The following ULK4 variants were observed in gnomAD, a reference collection of about 807,000 sequenced individuals.
ULK4 encodes the protein inactive serine/threonine-protein kinase ULK4.
ULK4 carries 133 observed loss-of-function variants against 160.6 expected under a neutral mutation model. The ratio of observed to expected loss-of-function variants is 0.83; its 90% confidence interval spans 0.72 to 0.96. The LOEUF (loss-of-function observed/expected upper bound fraction) is 0.96. Ranked by LOEUF, ULK4 falls within the 40% of genes least tolerant of loss-of-function variation. ULK4 has a pLI of 0.00. For missense variants in ULK4, 1,580 were observed against 1,499.5 expected, an observed-to-expected ratio of 1.05 and a Z score of -0.89; for synonymous variants, 534 against 539.8, an observed-to-expected ratio of 0.99 and a Z score of 0.15.
chr3:41,348,503 G>A (rs1575455604), intron 35 of ULK4, among the ~76,000 whole-genome samples: 2 of 152,156 alleles, frequency 1.3e-5, no homozygotes, highest in East Asian at 3.8e-4. Flanking sequence ...AGGAGGGATG[G>A]GGGCCAGAGA....
At chr3:41,681,915 A>G in intron 27 of ULK4, 111 bp from the exon 28 acceptor site, 2 of 1,093,750 alleles carry the variant, frequency 1.8e-6, no homozygotes, top group Non-Finnish European at 2.7e-6. Flanking sequence ...AGTGAAAAAA[A>G]GCAACGGCTA....
intron 31 of ULK4, among the ~76,000 whole-genome samples, chr3:41,605,941 AT>A (rs1270902260): frequency 6.6e-6 from 1 of 152,070 alleles, no homozygotes; most frequent in African/African-American, 2.4e-5. Flanking sequence ...TCAATAAAAA[AT>A]ATATCTGACA....
chr3:41,895,665 C>T, intron 15 of ULK4, 101 bp from the exon 16 acceptor site: 1 of 603,648 alleles, frequency 1.7e-6, no homozygotes, highest in Non-Finnish European at 2.6e-6. Context: ...GGACTTTATA[C>T]AAAGGAAATT....
At chr3:41,817,151 C>G (rs547647089) in intron 19 of ULK4, among the ~76,000 whole-genome samples, 2 of 152,220 alleles carry the variant, frequency 1.3e-5, no homozygotes, top group East Asian at 3.9e-4. Context: ...TCCAAATGAA[C>G]TATAGTTTAC....
At chr3:41,677,647 T>C (rs1449348614) in intron 29 of ULK4, among the ~76,000 whole-genome samples, 1 of 152,170 alleles carries the variant, frequency 6.6e-6, no homozygotes, top group Non-Finnish European at 1.5e-5. Flanking sequence ...GTTCATTGTT[T>C]AGCAAGTAAA....
intron 35 of ULK4, among the ~76,000 whole-genome samples, chr3:41,370,151 TAG>T (rs1489623477): frequency 1.3e-5 from 2 of 151,960 alleles, no homozygotes; most frequent in African/African-American, 4.8e-5. Context: ...AAGATCCATG[TAG>T]AGTTTATAAA....
intron 32 of ULK4, among the ~76,000 whole-genome samples, chr3:41,491,855 A>G (rs922868601): frequency 6.6e-6 from 1 of 151,670 alleles, no homozygotes; most frequent in Non-Finnish European, 1.5e-5. Flanking sequence ...AGCATTAGGT[A>G]TACCTTCTAA....
intron 21 of ULK4, among the ~76,000 whole-genome samples, chr3:41,775,821 G>A (rs2125926967): frequency 6.6e-6 from 1 of 150,868 alleles, no homozygotes; most frequent in Non-Finnish European, 1.5e-5. Context: ...TTTTCTTTAT[G>A]AGATTTATCC....
At chr3:41,623,780 T>G (rs1226163715) in intron 30 of ULK4, among the ~76,000 whole-genome samples, 1 of 152,142 alleles carries the variant, frequency 6.6e-6, no homozygotes, top group Non-Finnish European at 1.5e-5. Flanking sequence ...TAGTTAATAA[T>G]AATGTAGTAT....
At chr3:41,605,205 AG>A (rs1380099476) in intron 31 of ULK4, among the ~76,000 whole-genome samples, 2 of 152,060 alleles carry the variant, frequency 1.3e-5, no homozygotes, top group African/African-American at 4.8e-5. Flanking sequence ...AAAGACATAA[AG>A]AAAAACAACA....
At position 41,681,591 on chromosome 3, in the gene ULK4, CT is replaced by C; in HGVS notation, c.2894del (p.Gln965ArgfsTer35). 1 of 1,613,976 alleles carries C rather than the reference CT, an allele frequency of 6.2e-7. No homozygotes were observed. The highest frequency in any genetic ancestry group is 8.5e-7 in the Non-Finnish European group (1 of 1,179,976). On this transcript the variant is annotated frameshift_variant, in exon 29 of 37. Coordinates refer to ENST00000301831, the MANE Select transcript of ULK4 (RefSeq NM_017886.4). LOFTEE classifies it high-confidence loss of function. ...LSETTSLLVN[Q>X]EFGDGKEKAS... The stretch of plus-strand genomic sequence containing the variant: ...CCTTCTCCTTGCCATCCCCAAACTC[CT>C]GGTTCACGAGTAGAGATGTGGTTTC...
At chr3:41,534,935 G>T (rs561952234) in intron 32 of ULK4, among the ~76,000 whole-genome samples, 1 of 152,106 alleles carries the variant, frequency 6.6e-6, no homozygotes, top group Non-Finnish European at 1.5e-5. Flanking sequence ...CAATATATGA[G>T]AAAAACCATA....
chr3:41,357,350 GTCCAAGTCAGCAGCCTCGA>G (rs913968147), intron 35 of ULK4, among the ~76,000 whole-genome samples: 1 of 152,208 alleles, frequency 6.6e-6, no homozygotes, highest in Admixed American at 6.5e-5. Context: ...ATAAGTGACA[GTCCAAGTCAGCAGCCTCGA>G]TCCAACTGTG....
At chr3:41,728,033 C>A (rs889871919) in intron 22 of ULK4, among the ~76,000 whole-genome samples, 2 of 152,134 alleles carry the variant, frequency 1.3e-5, no homozygotes, top group African/African-American at 2.4e-5. Context: ...GTAAAGACTG[C>A]CAGAATAGCA....
At chr3:41,343,795 G>A (rs56132977) in intron 35 of ULK4, among the ~76,000 whole-genome samples, 6,173 of 152,228 alleles carry the variant, frequency 0.041, 318 homozygotes, top group East Asian at 0.19. Flanking sequence ...GCTAACAAGA[G>A]AAGTGAAGAA....
chr3:41,269,181 G>A lies in ULK4; in HGVS notation c.3679-19607C>T, dbSNP rs147348255. 1.8e-3 allele frequency among the ~76,000 whole-genome samples: 278 copies of A among 152,220 alleles called. 3 individuals carry two copies. Among genetic ancestry groups the A allele is most frequent in the African/African-American group, 6.6e-3 (276 of 41,548 alleles). ...GGATTCTGGCAAAAAGATGTGTGATGAGCAGGACTATTTTGTATTTAGGGT... is the reference window on the plus strand; with the variant it reads ...GGATTCTGGCAAAAAGATGTGTGATAAGCAGGACTATTTTGTATTTAGGGT... On this transcript the variant is annotated intron_variant, in intron 35 of 36. Transcript: ENST00000301831.
intron 17 of ULK4, among the ~76,000 whole-genome samples, chr3:41,839,846 CA>C (rs1482439973): frequency 6.6e-6 from 1 of 151,966 alleles, no homozygotes; most frequent in African/African-American, 2.4e-5. Context: ...CCCAAAAAAA[CA>C]ATACTCAGGT....
chr3:41,614,730 A>G (rs1164215982), intron 31 of ULK4, among the ~76,000 whole-genome samples: 1 of 152,222 alleles, frequency 6.6e-6, no homozygotes, highest in East Asian at 1.9e-4. Flanking sequence ...TCTGCAGCTA[A>G]GAAAAATAAA....
chr3:41,927,557 T>C (rs1699429553), intron 5 of ULK4, among the ~76,000 whole-genome samples: 1 of 151,360 alleles, frequency 6.6e-6, no homozygotes, highest in African/African-American at 2.4e-5. Flanking sequence ...GACTGACAAA[T>C]TGAATGAAGA....
Sources: allele counts gnomAD v4.1 joint callset (sites outside exome capture counted in the v4.1 genomes callset), GRCh38; gene constraint gnomAD v4.1.1; transcripts MANE v1.5; gene names NCBI Gene and HGNC (gene_info 2026-07-23, HGNC 2026-07-21).